The following VGLL4 variants were observed in gnomAD, a reference collection of about 807,000 sequenced individuals.
The protein encoded by VGLL4 is vestigial like family member 4.
VGLL4 carries 7 observed loss-of-function variants against 21.0 expected under a neutral mutation model. The ratio of observed to expected loss-of-function variants is 0.33; its 90% CI spans 0.19 to 0.63. The LOEUF is 0.63. Ranked by LOEUF, VGLL4 falls within the 20% of genes least tolerant of loss-of-function variation. The pLI, the probability that VGLL4 is intolerant of heterozygous loss-of-function variation, is 0.78. For missense variants in VGLL4, 394 were observed against 425.7 expected, an observed-to-expected ratio of 0.93 and a Z score of 0.66; for synonymous variants, 222 against 173.2, an observed-to-expected ratio of 1.28 and a Z score of -2.21.
In VGLL4 at chr3:11,565,619, T is replaced by C. The variant is rs983237263; in HGVS notation, c.273-600A>G. ...ACATGTGGTGGCACGTGCTCTGGGG[T>C]TCCCGGGGTGCTGTAGGGAGCCGGC... On this transcript the variant is annotated intron_variant, in intron 2 of 4. Coordinates refer to ENST00000430365, the MANE Select transcript of VGLL4 (RefSeq NM_001128219.3). The surrounding 1 kb of genome is among the most constrained non-coding windows in gnomAD (Gnocchi z 4.1). 2.6e-5 allele frequency among the ~76,000 whole-genome samples: 4 copies of C among 152,094 alleles called. No individual in the cohort carries two copies. The highest frequency in any genetic ancestry group is 9.7e-5 in the African/African-American group (4 of 41,402).
rs578190344 is a variant in VGLL4, at chr3:11,634,475, T to C, written c.82+8962A>G. The stretch of plus-strand genomic sequence containing the variant: ...CCTAAGCCAGTGCACCAGGTTCACA[T>C]CCTCTCCTATTACTATTTCATCTCT... On this transcript the variant is annotated intron_variant, in intron 1 of 4. Transcript: ENST00000430365. Among the ~76,000 whole-genome samples, 8 of 152,260 alleles carry C rather than the reference T, an allele frequency of 5.3e-5. No homozygotes were observed. In the East Asian group the frequency reaches 1.5e-3, roughly 29 times the overall value.
chr3:11,602,050 T>TA, intron 1 of VGLL4, 28 bp from the exon 2 acceptor site: 1 of 1,494,180 alleles, frequency 6.7e-7, no homozygotes, highest in Non-Finnish European at 8.9e-7. Flanking sequence ...ATGTAGTCAC[T>TA]AAGCAGGAGA....
chr3:11,634,107 C>T (rs890144336), intron 1 of VGLL4, among the ~76,000 whole-genome samples: 4 of 152,164 alleles, frequency 2.6e-5, no homozygotes, highest in African/African-American at 9.7e-5. Context: ...CAGCAGCAGC[C>T]TCTCCTGAGC....
At chr3:11,707,991 C>A (rs2076786193) in intron 1 of VGLL4, among the ~76,000 whole-genome samples, 1 of 152,318 alleles carries the variant, frequency 6.6e-6, no homozygotes, top group East Asian at 1.9e-4. Flanking sequence ...TGGAGGATCA[C>A]ACCACATTGA....
intron 2 of VGLL4, among the ~76,000 whole-genome samples, chr3:11,685,760 T>A (rs901572588): frequency 6.6e-6 from 1 of 151,782 alleles, no homozygotes; most frequent in Non-Finnish European, 1.5e-5. Context: ...ACAACTCAAC[T>A]CAAAAATGGG....
At chr3:11,664,017 C>T (rs1040647685) in intron 2 of VGLL4, among the ~76,000 whole-genome samples, 5 of 152,058 alleles carry the variant, frequency 3.3e-5, no homozygotes, top group Non-Finnish European at 7.4e-5. Context: ...TTTGGGAGTC[C>T]AAGGCGGGAG....
At chr3:11,707,890 A>G (rs1360926332) in intron 1 of VGLL4, among the ~76,000 whole-genome samples, 1 of 152,154 alleles carries the variant, frequency 6.6e-6, no homozygotes, top group African/African-American at 2.4e-5. Flanking sequence ...TCTGCATTTT[A>G]TGTCTTATAT....
At chr3:11,639,252 C>T (rs2075642960) in intron 1 of VGLL4, among the ~76,000 whole-genome samples, 1 of 152,248 alleles carries the variant, frequency 6.6e-6, no homozygotes, top group South Asian at 2.1e-4. Context: ...TAACCTGTCC[C>T]TGTCCCTGCT....
intron 2 of VGLL4, among the ~76,000 whole-genome samples, chr3:11,592,826 T>C (rs754209236): frequency 6.6e-6 from 1 of 152,090 alleles, no homozygotes; most frequent in African/African-American, 2.4e-5. Flanking sequence ...CTCCACCTCA[T>C]AGAACTGTGA....
rs560463448 is a variant in VGLL4, at chr3:11,691,576, C to T, written c.64+11395G>A. On this transcript the variant is annotated intron_variant, in intron 2 of 5. Transcript: ENST00000273038. ...ACAATCAGCTCATGGACAACAGTGG[C>T]CAGAGCTGAGTGGTGGCTGCCCCTT... 5.3e-5 allele frequency among the ~76,000 whole-genome samples: 8 copies of T among 152,278 alleles called. No individual in the cohort carries two copies. The South Asian group carries it at 1.7e-3, about 32-fold the overall frequency.
intron 3 of VGLL4, among the ~76,000 whole-genome samples, chr3:11,561,891 CTTTTTTTTT>C (rs35380668): frequency 4.5e-5 from 4 of 88,608 alleles, no homozygotes; most frequent in Non-Finnish European, 6.0e-5. Flanking sequence ...CTGCGCCAAA[CTTTTTTTTT>C]TTTTTTTTTT....
At chr3:11,609,296 C>T (rs75484758) in intron 1 of VGLL4, among the ~76,000 whole-genome samples, 14,063 of 152,190 alleles carry the variant, frequency 0.092, 1,967 homozygotes, top group African/African-American at 0.3. Context: ...CCTTTTACTG[C>T]TCATCAAGAA....
intron 1 of VGLL4, among the ~76,000 whole-genome samples, chr3:11,617,063 T>A (rs545655865): frequency 1.3e-5 from 2 of 149,494 alleles, no homozygotes; most frequent in Non-Finnish European, 3.0e-5. Flanking sequence ...AAATAAAAAA[T>A]AAAAAGAGAT....
chr3:11,577,892 G>A (rs1186445009), intron 2 of VGLL4, among the ~76,000 whole-genome samples: 3 of 152,142 alleles, frequency 2.0e-5, no homozygotes, highest in Non-Finnish European at 4.4e-5. Flanking sequence ...TGTCAACCTT[G>A]CCATGCCCAG....
intron 2 of VGLL4, among the ~76,000 whole-genome samples, chr3:11,682,031 G>T (rs9833192): frequency 0.45 from 68,672 of 151,972 alleles, 16,874 homozygotes; most frequent in Non-Finnish European, 0.56. Flanking sequence ...AGGCCAAGTG[G>T]GTGGATCACT....
chr3:11,690,993 GA>G (rs1403558956), intron 2 of VGLL4, among the ~76,000 whole-genome samples: 3 of 151,882 alleles, frequency 2.0e-5, no homozygotes, highest in Admixed American at 6.6e-5. Context: ...TTTAAAAACA[GA>G]AAATCTGAAT....
intron 1 of VGLL4, among the ~76,000 whole-genome samples, chr3:11,641,902 T>C (rs1268267890): frequency 6.6e-6 from 1 of 152,174 alleles, no homozygotes; most frequent in African/African-American, 2.4e-5. Context: ...AACAATCTTA[T>C]ATTTCTCTCT....
rs2125132568 is a variant in VGLL4, at chr3:11,565,103, T to C, written c.273-84A>G. 2.3e-6 allele frequency: 3 copies of C among 1,279,834 alleles called. No individual in the cohort carries two copies. In the South Asian group the frequency reaches 6.0e-5, roughly 25 times the overall value. 79.3% of individuals were successfully genotyped at this position (1,279,834 alleles called of 1,614,324 possible). On this transcript the variant is annotated intron_variant, in intron 2 of 4. Transcript: ENST00000430365. The surrounding 1 kb of genome is among the most constrained non-coding windows in gnomAD (Gnocchi z 4.1). ...CTGTGCGCCAGGCACTCCGTGTTGC[T>C]TATTTAATTTTTTACCCTGAAGCTC...
chr3:11,601,751 T>A lies in VGLL4; in HGVS notation c.272+82A>T, dbSNP rs2125266438. 6 of 1,454,544 alleles carry A rather than the reference T, an allele frequency of 4.1e-6. No homozygotes were observed. In the Admixed American group the frequency reaches 5.9e-5, roughly 14 times the overall value. 90.1% of individuals were successfully genotyped at this position (1,454,544 alleles called of 1,614,324 possible). A position where few individuals can be genotyped will look rare whatever the true frequency, so the allele number is the denominator to read the frequency against. On this transcript the variant is annotated intron_variant, in intron 2 of 4. Coordinates refer to ENST00000430365, the MANE Select transcript of VGLL4 (RefSeq NM_001128219.3). ...CAAATAAAGTATGCAAATGATAACA[T>A]CAGAATTAGCACAAAGTTGCAAAAC...
Sources: allele counts gnomAD v4.1 joint callset (sites outside exome capture counted in the v4.1 genomes callset), GRCh38; gene constraint gnomAD v4.1.1; non-coding constraint Gnocchi (gnomAD v3.1); transcripts MANE v1.5; gene names NCBI Gene and HGNC (gene_info 2026-07-23, HGNC 2026-07-21).